Variants in LRRC4C observed in about 807,000 individuals in gnomAD.
LRRC4C encodes leucine-rich repeat-containing protein 4C.
Under a neutral mutation model 33.6 loss-of-function variants are expected in LRRC4C, and 5 were observed. That is an observed-to-expected ratio of 0.15 (90% CI 0.08 to 0.31). The LOEUF is 0.31. Among genes scored for constraint, LRRC4C ranks in the 10% least tolerant of loss-of-function variants. The probability of loss-of-function intolerance (pLI) is 1.00; values close to 1 mark genes in which losing one functional copy is unlikely to be tolerated. For synonymous variants in LRRC4C, 329 were observed against 302.0 expected (o/e 1.09, Z -0.93); for missense variants, 560 against 796.7 (o/e 0.70, Z 3.58).
intron 1 of LRRC4C, among the ~76,000 whole-genome samples, chr11:41,036,919 A>G (rs575145663): frequency 5.9e-5 from 9 of 152,312 alleles, no homozygotes; most frequent in Non-Finnish European, 1.0e-4. Context: ...TATGGGCACA[A>G]AACATTTGCA....
intron 1 of LRRC4C, among the ~76,000 whole-genome samples, chr11:41,442,769 T>A (rs1955680658): frequency 6.6e-6 from 1 of 152,090 alleles, no homozygotes; most frequent in Non-Finnish European, 1.5e-5. Flanking sequence ...GCGCCCGGCC[T>A]GTTGCTTCTT....
At chr11:41,421,394 G>A (rs1397530299) in intron 1 of LRRC4C, among the ~76,000 whole-genome samples, 7 of 152,140 alleles carry the variant, frequency 4.6e-5, no homozygotes, top group Non-Finnish European at 1.0e-4. Context: ...GTGGGAGTGT[G>A]TCAGGAAAAC....
At chr11:40,350,765 T>C (rs1363347168) in intron 3 of LRRC4C, among the ~76,000 whole-genome samples, 9 of 152,060 alleles carry the variant, frequency 5.9e-5, no homozygotes, top group African/African-American at 2.2e-4. Flanking sequence ...TCTCTTCAAG[T>C]TCGTGCATTA....
chr11:41,098,528 C>G (rs75752663), intron 1 of LRRC4C, among the ~76,000 whole-genome samples: 2 of 152,068 alleles, frequency 1.3e-5, no homozygotes, highest in Non-Finnish European at 2.9e-5. Flanking sequence ...TTCTAAAACA[C>G]TAGGAGTAAA....
intron 4 of LRRC4C, among the ~76,000 whole-genome samples, chr11:40,276,221 A>G (rs1226657701): frequency 6.6e-6 from 1 of 152,144 alleles, no homozygotes; most frequent in East Asian, 1.9e-4. Flanking sequence ...GCACGATTAT[A>G]GTTACCTGGG....
At chr11:41,096,370 G>T (rs1940810843) in intron 1 of LRRC4C, among the ~76,000 whole-genome samples, 1 of 152,006 alleles carries the variant, frequency 6.6e-6, no homozygotes, top group African/African-American at 2.4e-5. Context: ...TAATAAGCAT[G>T]AAGTAATTCA....
intron 3 of LRRC4C, among the ~76,000 whole-genome samples, chr11:40,410,092 A>G (rs1950102591): frequency 6.6e-6 from 1 of 152,050 alleles, no homozygotes; most frequent in African/African-American, 2.4e-5. Flanking sequence ...GTATCACACT[A>G]CAACGACAGA....
At chr11:40,440,946 G>T (rs1286436444) in intron 3 of LRRC4C, among the ~76,000 whole-genome samples, 1 of 150,626 alleles carries the variant, frequency 6.6e-6, no homozygotes, top group Non-Finnish European at 1.5e-5. Flanking sequence ...CTATTTTTTT[G>T]ACTTCATACT....
At chr11:40,317,350 C>T (rs1945623893) in intron 4 of LRRC4C, among the ~76,000 whole-genome samples, 1 of 151,940 alleles carries the variant, frequency 6.6e-6, no homozygotes, top group Admixed American at 6.6e-5. Context: ...TTTTAATTTT[C>T]TAGGGTTAGG....
At chr11:40,240,518 T>C (rs539705668) in intron 5 of LRRC4C, among the ~76,000 whole-genome samples, 2 of 152,252 alleles carry the variant, frequency 1.3e-5, no homozygotes, top group Admixed American at 1.3e-4. Flanking sequence ...TCAACTACCA[T>C]AACCCAGTTT....
intron 3 of LRRC4C, among the ~76,000 whole-genome samples, chr11:40,638,523 G>A (rs1941903246): frequency 6.6e-6 from 1 of 152,142 alleles, no homozygotes; most frequent in East Asian, 1.9e-4. Context: ...AATGATAAAT[G>A]TGACAATGCC....
chr11:40,178,517 T>A (rs1290275718), intron 5 of LRRC4C, among the ~76,000 whole-genome samples: 1 of 152,230 alleles, frequency 6.6e-6, no homozygotes, highest in Non-Finnish European at 1.5e-5. Flanking sequence ...CTGGGATTAA[T>A]TATTTCATTC....
chr11:41,229,079 T>C lies in LRRC4C; in HGVS notation c.-496+230352A>G, dbSNP rs573329596. On this transcript the variant is annotated intron_variant, in intron 1 of 6. Coordinates refer to ENST00000528697, the MANE Select transcript of LRRC4C (RefSeq NM_001258419.2). ...TATGAATTTCCATTGGGGATTTAAA[T>C]ATTTCACTCTTAAGTCACCTTCATG... Among the ~76,000 whole-genome samples, 31 of 152,274 alleles carry C rather than the reference T, an allele frequency of 2.0e-4. 1 individual carries two copies. In the South Asian group the frequency reaches 5.8e-3, roughly 28 times the overall value.
At chr11:40,289,207 G>C (rs1411107303) in intron 4 of LRRC4C, among the ~76,000 whole-genome samples, 1 of 152,080 alleles carries the variant, frequency 6.6e-6, no homozygotes, top group East Asian at 1.9e-4. Context: ...AAAGTGCTTA[G>C]CCAGATTGTT....
chr11:40,711,509 A>T (rs1946463993), intron 2 of LRRC4C, among the ~76,000 whole-genome samples: 1 of 152,198 alleles, frequency 6.6e-6, no homozygotes, highest in Non-Finnish European at 1.5e-5. Flanking sequence ...AGACTGTTTT[A>T]TAGAGGCAGC....
intron 1 of LRRC4C, among the ~76,000 whole-genome samples, chr11:41,231,974 G>A (rs1431956806): frequency 6.6e-6 from 1 of 151,448 alleles, no homozygotes; most frequent in Non-Finnish European, 1.5e-5. Context: ...TTTACTACTG[G>A]TCTAGACTTA....
At chr11:41,321,548 TATA>T (rs1208399212) in intron 1 of LRRC4C, among the ~76,000 whole-genome samples, 13 of 152,024 alleles carry the variant, frequency 8.6e-5, no homozygotes, top group Non-Finnish European at 7.4e-5. Context: ...CCCTTGGGTA[TATA>T]ATAATAATAA....
chr11:40,820,177 T>C (rs950369219), intron 2 of LRRC4C, among the ~76,000 whole-genome samples: 3 of 151,970 alleles, frequency 2.0e-5, no homozygotes, highest in Admixed American at 6.6e-5. Flanking sequence ...CAATAGAAAC[T>C]GTCTAAGTAA....
chr11:40,634,401 A>G (rs765305511), intron 3 of LRRC4C, among the ~76,000 whole-genome samples: 4 of 152,160 alleles, frequency 2.6e-5, no homozygotes, highest in Non-Finnish European at 4.4e-5. Flanking sequence ...AGTTGGTTTT[A>G]GGGTTTACGG....
Sources: allele counts gnomAD v4.1 joint callset (sites outside exome capture counted in the v4.1 genomes callset), GRCh38; gene constraint gnomAD v4.1.1; transcripts MANE v1.5; gene names NCBI Gene and HGNC (gene_info 2026-07-23, HGNC 2026-07-21).